Variants in MCTP1 observed in about 807,000 individuals in gnomAD.
MCTP1 encodes the protein multiple C2 and transmembrane domain-containing protein 1.
MCTP1 carries 69 observed loss-of-function variants against 120.6 expected under a neutral mutation model. The ratio of observed to expected loss-of-function variants is 0.57; its 90% CI spans 0.47 to 0.70. MCTP1 has a LOEUF of 0.70. Ranked by LOEUF, MCTP1 falls within the 30% of genes least tolerant of loss-of-function variation. The probability of loss-of-function intolerance (pLI) is 0.00; values close to 1 mark genes in which losing one functional copy is unlikely to be tolerated. For missense variants in MCTP1, 1,203 were observed against 1,248.8 expected (o/e 0.96, Z 0.55); for synonymous variants, 529 against 493.1 (o/e 1.07, Z -0.96).
chr5:94,828,252 AC>A (rs1787690294), intron 17 of MCTP1, among the ~76,000 whole-genome samples: 1 of 152,108 alleles, frequency 6.6e-6, no homozygotes, highest in Non-Finnish European at 1.5e-5. Flanking sequence ...CTGGGGGTCC[AC>A]CCTGTTTGCC....
intron 19 of MCTP1, among the ~76,000 whole-genome samples, chr5:94,767,635 A>G (rs1773095095): frequency 6.6e-6 from 1 of 152,200 alleles, no homozygotes; most frequent in Admixed American, 6.5e-5. Context: ...TAGCTAAAAT[A>G]GAAATCAAGA....
intron 1 of MCTP1, among the ~76,000 whole-genome samples, chr5:95,162,694 T>C (rs576274168): frequency 6.6e-6 from 1 of 152,332 alleles, no homozygotes; most frequent in African/African-American, 2.4e-5. Flanking sequence ...AGGAAAATGT[T>C]AGATTACTTT....
intron 1 of MCTP1, among the ~76,000 whole-genome samples, chr5:95,219,777 T>C (rs1283829789): frequency 1.3e-5 from 2 of 152,232 alleles, no homozygotes; most frequent in African/African-American, 4.8e-5. Flanking sequence ...TATATTCTTA[T>C]AGAGAAAGAT....
intron 12 of MCTP1, among the ~76,000 whole-genome samples, chr5:94,885,396 C>T (rs1561803079): frequency 6.6e-6 from 1 of 152,002 alleles, no homozygotes; most frequent in Non-Finnish European, 1.5e-5. Context: ...TCTCCTTCTC[C>T]TCTTAGAACT....
intron 2 of MCTP1, among the ~76,000 whole-genome samples, chr5:94,988,221 T>C (rs757169634): frequency 3.3e-5 from 5 of 152,192 alleles, no homozygotes; most frequent in Non-Finnish European, 5.9e-5. Context: ...ATGAATACTA[T>C]ACTAAAAGCA....
intron 6 of MCTP1, chr5:94,929,839 C>T (rs1814102760): frequency 5.2e-6 from 1 of 193,176 alleles, no homozygotes; most frequent in Admixed American, 6.5e-5. Context: ...AATGAATTAG[C>T]AGGTGTTCAG....
intron 1 of MCTP1, among the ~76,000 whole-genome samples, chr5:95,282,443 C>T (rs979552006): frequency 2.6e-5 from 4 of 152,122 alleles, no homozygotes; most frequent in Non-Finnish European, 5.9e-5. Context: ...AGTTCCCCAA[C>T]TCTGAAATTC....
At chr5:95,068,296 C>G (rs1751198022) in intron 1 of MCTP1, among the ~76,000 whole-genome samples, 1 of 151,716 alleles carries the variant, frequency 6.6e-6, no homozygotes, top group Admixed American at 6.6e-5. Flanking sequence ...AAGAGAGAGA[C>G]AGAGAGAAGA....
At chr5:94,718,611 ACT>A (rs892059478) in intron 19 of MCTP1, among the ~76,000 whole-genome samples, 4 of 152,150 alleles carry the variant, frequency 2.6e-5, no homozygotes, top group African/African-American at 9.7e-5. Context: ...TTTTTCAATC[ACT>A]CTGACAAAGG....
chr5:95,214,545 G>T (rs1752812390), intron 1 of MCTP1, among the ~76,000 whole-genome samples: 2 of 152,094 alleles, frequency 1.3e-5, no homozygotes, highest in Admixed American at 1.3e-4. Flanking sequence ...AAATCATGCT[G>T]CTATAAAGAC....
rs563316367 is a variant in MCTP1 at position 94,835,094 on chromosome 5, C to T, written c.2436+33239G>A. On this transcript the variant is annotated intron_variant, in intron 17 of 22. Transcript: ENST00000515393. ...AGCCTCCCAAAATGCTGGGATTACACGCATGAGCCACCATGCCTGGCCCTA... is the reference window on the plus strand; with the variant it reads ...AGCCTCCCAAAATGCTGGGATTACATGCATGAGCCACCATGCCTGGCCCTA... 4.4e-4 allele frequency among the ~76,000 whole-genome samples: 67 copies of T among 152,136 alleles called. 1 individual carries two copies. Among genetic ancestry groups the T allele is most frequent in the Middle Eastern group, 3.4e-3 (1 of 294 alleles).
intron 19 of MCTP1, among the ~76,000 whole-genome samples, chr5:94,730,088 T>C (rs560692336): frequency 5.3e-5 from 8 of 152,312 alleles, no homozygotes; most frequent in Non-Finnish European, 8.8e-5. Context: ...GACATATTAC[T>C]AGATTGAATG....
intron 1 of MCTP1, among the ~76,000 whole-genome samples, chr5:95,051,174 T>G (rs1415922461): frequency 6.6e-6 from 1 of 152,198 alleles, no homozygotes; most frequent in Non-Finnish European, 1.5e-5. Context: ...AAGTCAGCAT[T>G]GTCTTTATTC....
At chr5:95,105,902 T>C (rs922902005) in intron 1 of MCTP1, among the ~76,000 whole-genome samples, 7 of 152,190 alleles carry the variant, frequency 4.6e-5, no homozygotes, top group Admixed American at 2.6e-4. Flanking sequence ...TTTCTCACCA[T>C]GTGTTATAGG....
rs187368287 is a variant in MCTP1 at position 95,029,662 on chromosome 5, C to T, written c.721-12178G>A. 2.6e-5 allele frequency among the ~76,000 whole-genome samples: 4 copies of T among 152,278 alleles called. No individual in the cohort carries two copies. In the East Asian group the frequency reaches 5.8e-4, roughly 22 times the overall value. ...CTCCTCTCACCTCTCTGACAATCTC[C>T]GGACAGCCAGACTGTTGGGGAACCC... On this transcript the variant is annotated intron_variant, in intron 1 of 22. Coordinates refer to ENST00000515393, the MANE Select transcript of MCTP1 (RefSeq NM_024717.7).
intron 1 of MCTP1, among the ~76,000 whole-genome samples, chr5:95,212,309 C>A (rs1429424647): frequency 6.6e-6 from 1 of 152,124 alleles, no homozygotes; most frequent in African/African-American, 2.4e-5. Context: ...CAAGACTAAA[C>A]CAGGAGGAAA....
chr5:94,972,854 C>A (rs1228066085), intron 2 of MCTP1, among the ~76,000 whole-genome samples: 5 of 151,762 alleles, frequency 3.3e-5, no homozygotes, highest in African/African-American at 1.2e-4. Flanking sequence ...GGGGATGAAC[C>A]AGCTTTTCCC....
At chr5:94,718,246 A>C (rs1188756029) in intron 19 of MCTP1, among the ~76,000 whole-genome samples, 1 of 152,198 alleles carries the variant, frequency 6.6e-6, no homozygotes. Context: ...AACTTGACAA[A>C]AACAAGCAAT....
chr5:95,062,737 AT>A (rs1749567244), intron 1 of MCTP1, among the ~76,000 whole-genome samples: 2 of 152,204 alleles, frequency 1.3e-5, no homozygotes, highest in African/African-American at 4.8e-5. Context: ...ACTGCAAATG[AT>A]GGCGATTATC....
Sources: gnomAD v4.1 joint callset for allele counts (sites outside exome capture counted in the v4.1 genomes callset) on GRCh38, gnomAD v4.1.1 for gene constraint, MANE v1.5 for transcripts, NCBI Gene and HGNC (gene_info 2026-07-23, HGNC 2026-07-21) for gene names.